BTC: variants seen among roughly 807,000 people sequenced by gnomAD.
BTC encodes betacellulin.
In BTC, 13 loss-of-function variants were observed where a neutral mutation model predicts 18.1. The observed-to-expected ratio is 0.72, with a 90% CI of 0.47 to 1.14. The LOEUF (loss-of-function observed/expected upper bound fraction) is 1.14. Ranked by LOEUF, BTC falls within the 50% of genes most tolerant of loss-of-function variation. The probability of loss-of-function intolerance (pLI) is 0.00; values close to 1 mark genes in which losing one functional copy is unlikely to be tolerated. For synonymous variants in BTC, 83 were observed against 79.4 expected, an observed-to-expected ratio of 1.05 and a Z score of -0.24; for missense variants, 247 against 224.2, an observed-to-expected ratio of 1.10 and a Z score of -0.65.
intron 1 of BTC, among the ~76,000 whole-genome samples, chr4:74,786,757 T>G (rs1725487846): frequency 6.6e-6 from 1 of 151,904 alleles, no homozygotes; most frequent in Non-Finnish European, 1.5e-5. Context: ...TTTCGACCAG[T>G]AAAATCTGCC....
intron 1 of BTC, among the ~76,000 whole-genome samples, chr4:74,787,250 T>A (rs1725503998): frequency 1.3e-5 from 2 of 152,088 alleles, no homozygotes; most frequent in African/African-American, 2.4e-5. Context: ...AAACTTCCCA[T>A]CCCCATTTTG....
At chr4:74,788,663 C>T (rs1193738674) in intron 1 of BTC, among the ~76,000 whole-genome samples, 2 of 152,214 alleles carry the variant, frequency 1.3e-5, no homozygotes, top group Admixed American at 6.5e-5. Flanking sequence ...CTCACTATCA[C>T]GTGTTTAGAA....
rs779129954 is a variant in BTC, at chr4:74,780,896, CT to C, written c.65-10741del. Among the ~76,000 whole-genome samples the C allele has an allele frequency of 2.6e-3, 252 of 98,798 alleles. 1 individual carries two copies. The highest frequency in any genetic ancestry group is 4.8e-3 in the Admixed American group (57 of 11,770). The allele number at this position is 98,798 out of a possible 152,430, so 64.8% of individuals were successfully genotyped here. A position where few individuals can be genotyped will look rare whatever the true frequency, so the allele number is the denominator to read the frequency against. On this transcript the variant is annotated intron_variant, in intron 1 of 5. Transcript: ENST00000395743. The stretch of plus-strand genomic sequence containing the variant: ...TCCCAGGGAAGTCTACTGAGAGTTT[CT>C]TTTTTTTTTTTTAATTTTATTATTA...
At position 74,755,953 on chromosome 4, in the gene BTC, T is replaced by G. The variant is rs1208521101; in HGVS notation, c.187A>C (p.Lys63Gln). 6.2e-7 allele frequency: 1 copy of G among 1,614,052 alleles called. No homozygotes were observed. The highest frequency in any genetic ancestry group is 2.2e-5 in the East Asian group (1 of 44,884). ...TTGGGGCACCTAGAGAAGTGGCCTT[T>G]CCGCTTTGATTGTGTGGTGGTAGCT... is the stretch of plus-strand genomic sequence containing the variant. Reference protein sequence around the residue: ...CAATTTQSKRKGHFSRCPKQY... With the variant: ...CAATTTQSKRQGHFSRCPKQY... The change falls in exon 3 of 6, where the codon AAA (lysine) becomes CAA (glutamine). Residue 63 changes from lysine to glutamine, a missense_variant. Physicochemically the swap from Lys to Gln is moderately conservative, Grantham distance 53. Transcript: ENST00000395743.
chr4:74,781,844 T>C (rs1427285107), intron 1 of BTC, among the ~76,000 whole-genome samples: 1 of 152,150 alleles, frequency 6.6e-6, no homozygotes, highest in Non-Finnish European at 1.5e-5. Context: ...ACTAAAACTC[T>C]ATACCCATTA....
chr4:74,788,916 C>T (rs1355784949), intron 1 of BTC, among the ~76,000 whole-genome samples: 1 of 152,164 alleles, frequency 6.6e-6, no homozygotes, highest in Non-Finnish European at 1.5e-5. Context: ...ATACTGAGTT[C>T]TGGGAGAAAG....
rs1553955138 is a variant in BTC at position 74,744,901 on chromosome 4, C to T, written c.*1776G>A. 6.6e-6 allele frequency: 1 copy of T among 152,168 alleles called. No individual in the cohort carries two copies. The highest frequency in any genetic ancestry group is 1.9e-4 in the East Asian group (1 of 5,202). The allele number at this position is 152,168 out of a possible 1,614,324, so 9.4% of individuals were successfully genotyped here. A position where few individuals can be genotyped will look rare whatever the true frequency, so the allele number is the denominator to read the frequency against. On this transcript the variant is annotated 3_prime_UTR_variant, in exon 6 of 6. Coordinates refer to ENST00000395743, the MANE Select transcript of BTC (RefSeq NM_001729.4). ...TTGAAATTCTTTCTTGATATCAGAT[C>T]TACCAAATTTCGAGAGCCACCATTG...
intron 2 of BTC, among the ~76,000 whole-genome samples, chr4:74,756,825 A>G (rs1724613280): frequency 6.6e-6 from 1 of 152,184 alleles, no homozygotes; most frequent in South Asian, 2.1e-4. Flanking sequence ...CTTTTAGGTA[A>G]AGGCCTAATT....
rs538625806 is a variant in BTC at position 74,759,454 on chromosome 4, A to G, written c.164-3478T>C. On this transcript the variant is annotated intron_variant, in intron 2 of 5. Coordinates refer to ENST00000395743, the MANE Select transcript of BTC (RefSeq NM_001729.4). Reference sequence around the variant, plus strand: ...AGAATTTCACTGGAAAAGTACATCCACTAGTGGACCAGGCTGCAACACAAT... The same window carrying G: ...AGAATTTCACTGGAAAAGTACATCCGCTAGTGGACCAGGCTGCAACACAAT... 1.6e-4 allele frequency among the ~76,000 whole-genome samples: 25 copies of G among 152,276 alleles called. No homozygotes were observed. The South Asian group carries it at 2.1e-3, about 13-fold the overall frequency.
intron 1 of BTC, among the ~76,000 whole-genome samples, chr4:74,783,031 T>C: frequency 6.6e-6 from 1 of 152,252 alleles, no homozygotes; most frequent in East Asian, 1.9e-4. Flanking sequence ...TGCAAAATTT[T>C]ACTCCCATTC....
At position 74,749,669 on chromosome 4, in the gene BTC, T is replaced by C. The variant is rs1315125643; in HGVS notation, c.428+904A>G. 1.3e-4 allele frequency among the ~76,000 whole-genome samples: 18 copies of C among 137,072 alleles called. No homozygotes were observed. In the Admixed American group the frequency reaches 1.3e-3, roughly 10 times the overall value. 89.9% of individuals were successfully genotyped at this position (137,072 alleles called of 152,430 possible). A position where few individuals can be genotyped will look rare whatever the true frequency, so the allele number is the denominator to read the frequency against. The stretch of plus-strand genomic sequence containing the variant: ...TTCTCAAGACAAAAAGATACCACTT[T>C]AATAAGATAGTTTTTTTTGTTGTTG... On this transcript the variant is annotated intron_variant, in intron 4 of 5. Transcript: ENST00000395743.
Position 74,770,044 on chromosome 4 carries a change from T to C in BTC, c.163+14A>G. 6.3e-7 allele frequency: 1 copy of C among 1,588,620 alleles called. No homozygotes were observed. The highest frequency in any genetic ancestry group is 1.8e-5 in the Admixed American group (1 of 56,554). ...TAAAACTCAGATTTGAATATAAAACTTGTTAAACTTTACCTGCACAGTTTT... is the reference window on the plus strand; with the variant it reads ...TAAAACTCAGATTTGAATATAAAACCTGTTAAACTTTACCTGCACAGTTTT... On this transcript the variant is annotated intron_variant, in intron 2 of 5. Transcript: ENST00000395743.
At chr4:74,773,616 C>CT (rs34447690) in intron 1 of BTC, among the ~76,000 whole-genome samples, 61,948 of 145,688 alleles carry the variant, frequency 0.43, 13,587 homozygotes, top group African/African-American at 0.59. Context: ...TAGACACAAA[C>CT]TTTTTTTTTT....
intron 2 of BTC, among the ~76,000 whole-genome samples, chr4:74,762,280 C>G (rs1168080127): frequency 2.6e-5 from 4 of 152,214 alleles, no homozygotes; most frequent in Non-Finnish European, 5.9e-5. Flanking sequence ...TAACAACACA[C>G]TTTCTAGAGA....
intron 5 of BTC, 100 bp from the exon 6 acceptor site, chr4:74,746,775 T>A (rs1235722707): frequency 6.9e-6 from 1 of 145,300 alleles, no homozygotes; most frequent in Non-Finnish European, 1.6e-5. Context: ...TGTTTTCAAT[T>A]CAATAATGTT....
chr4:74,791,178 CAAA>C (rs111788455), intron 1 of BTC, among the ~76,000 whole-genome samples: 26,804 of 151,904 alleles, frequency 0.18, 3,875 homozygotes, highest in African/African-American at 0.4. Flanking sequence ...CCCGTCTCTT[CAAA>C]AAATACAATA....
At chr4:74,776,391 T>C (rs544356889) in intron 1 of BTC, among the ~76,000 whole-genome samples, 1 of 152,196 alleles carries the variant, frequency 6.6e-6, no homozygotes, top group Non-Finnish European at 1.5e-5. Flanking sequence ...ATTTGCTAAG[T>C]GACTAGAAAT....
Position 74,794,411 on chromosome 4 carries a change from G to T in BTC, c.-86C>A, listed in dbSNP as rs972333499. The T allele has an allele frequency of 4.4e-6, 6 of 1,374,536 alleles. No individual in the cohort carries two copies. The African/African-American group carries it at 7.5e-5, about 17-fold the overall frequency. 85.1% of individuals were successfully genotyped at this position (1,374,536 alleles called of 1,614,324 possible). On this transcript the variant is annotated 5_prime_UTR_variant, in exon 1 of 6. Transcript: ENST00000395743. ...TCCCGGGCCTCGGGCGCCTGAGAGG[G>T]TGCCTGGAAACTAATCCCGGAGGCA...
chr4:74,761,869 T>C (rs990648720), intron 2 of BTC, among the ~76,000 whole-genome samples: 1 of 152,152 alleles, frequency 6.6e-6, no homozygotes, highest in Non-Finnish European at 1.5e-5. Context: ...CAGAGTAATG[T>C]CATTAAAACT....
Sources: allele counts gnomAD v4.1 joint callset (sites outside exome capture counted in the v4.1 genomes callset), GRCh38; gene constraint gnomAD v4.1.1; transcripts MANE v1.5; gene names NCBI Gene and HGNC (gene_info 2026-07-23, HGNC 2026-07-21).